SUN3: variants seen among roughly 807,000 people sequenced by gnomAD.
SUN3 encodes the protein SUN domain-containing protein 3.
Under a neutral mutation model 48.2 loss-of-function variants are expected in SUN3, and 36 were observed. That is an observed-to-expected ratio of 0.75 (90% CI 0.57 to 0.99). The LOEUF (loss-of-function observed/expected upper bound fraction) is 0.99, where lower values mean the gene tolerates loss of function less well. SUN3 is among the 50% of genes least tolerant of loss of function. SUN3 has a pLI of 0.00. For missense variants in SUN3, 419 were observed against 433.1 expected (o/e 0.97, Z 0.29); for synonymous variants, 148 against 147.9 (o/e 1.00, Z 0.00).
rs368951687 is a variant in SUN3 at position 48,025,866 on chromosome 7, G to A, written c.184+11C>T. 20 of 1,573,924 alleles carry A rather than the reference G, an allele frequency of 1.3e-5. No individual in the cohort carries two copies. In the African/African-American group the frequency reaches 2.2e-4, roughly 17 times the overall value. On this transcript the variant is annotated intron_variant, in intron 2 of 9. Coordinates refer to ENST00000297325, the MANE Select transcript of SUN3 (RefSeq NM_001030019.2). Reference sequence around the variant, plus strand: ...GAATGGTTTTAAGGATCATTACTTAGGAAGACTTACCTACAAGAAGAAAAG... The same window carrying A: ...GAATGGTTTTAAGGATCATTACTTAAGAAGACTTACCTACAAGAAGAAAAG...
chr7:48,006,571 A>G lies in SUN3; in HGVS notation c.493-518T>C, dbSNP rs142361247. On this transcript the variant is annotated intron_variant, in intron 5 of 9. Coordinates refer to ENST00000297325, the MANE Select transcript of SUN3 (RefSeq NM_001030019.2). ...AAAAAACGAACAAACAAACAAAACCAAAAGCACCCTAAGCAGGCGTAACAG... is the reference window on the plus strand; with the variant it reads ...AAAAAACGAACAAACAAACAAAACCGAAAGCACCCTAAGCAGGCGTAACAG... Among the ~76,000 whole-genome samples the G allele has an allele frequency of 1.7e-3, 256 of 152,312 alleles. 1 individual carries two copies. Among genetic ancestry groups the G allele is most frequent in the Middle Eastern group, 3.4e-3 (1 of 294 alleles).
chr7:48,021,118 G>A (rs543050627), intron 2 of SUN3, among the ~76,000 whole-genome samples: 7 of 151,468 alleles, frequency 4.6e-5, no homozygotes, highest in Admixed American at 3.3e-4. Flanking sequence ...CCCCTACAGA[G>A]AACTCATTTT....
intron 3 of SUN3, among the ~76,000 whole-genome samples, chr7:48,016,786 C>A (rs1381836958): frequency 1.3e-5 from 2 of 152,270 alleles, no homozygotes; most frequent in East Asian, 3.9e-4. Flanking sequence ...AATACCACAG[C>A]CTGGGTAATT....
chr7:48,017,745 T>G (rs1293602025), intron 2 of SUN3, among the ~76,000 whole-genome samples: 1 of 152,224 alleles, frequency 6.6e-6, no homozygotes, highest in Non-Finnish European at 1.5e-5. Context: ...CATTTCACAT[T>G]CCTTTAATAT....
intron 6 of SUN3, among the ~76,000 whole-genome samples, chr7:48,001,790 C>A (rs567925193): frequency 4.3e-4 from 65 of 152,262 alleles, no homozygotes; most frequent in African/African-American, 1.5e-3. Flanking sequence ...CCCGCCTCGG[C>A]CTCCCAAAGT....
intron 8 of SUN3, among the ~76,000 whole-genome samples, chr7:47,989,218 C>A (rs1210507636): frequency 6.6e-6 from 1 of 152,166 alleles, no homozygotes; most frequent in African/African-American, 2.4e-5. Flanking sequence ...ACATATAGAG[C>A]AAATCCCAAC....
intron 1 of SUN3, among the ~76,000 whole-genome samples, chr7:48,028,237 C>T (rs891918512): frequency 6.6e-6 from 1 of 151,912 alleles, no homozygotes; most frequent in Non-Finnish European, 1.5e-5. Context: ...GTTTTCCCAG[C>T]AGGCAGCACA....
upstream of SUN3, among the ~76,000 whole-genome samples, chr7:48,034,032 C>T (rs771860838): frequency 1.4e-4 from 22 of 152,296 alleles, no homozygotes; most frequent in Middle Eastern, 3.4e-3. Context: ...CCAGCCTGGG[C>T]GACAGAGCAA....
chr7:48,022,013 C>A (rs1158749133), intron 2 of SUN3, among the ~76,000 whole-genome samples: 1 of 152,078 alleles, frequency 6.6e-6, no homozygotes, highest in African/African-American at 2.4e-5. Context: ...GATTTGGAAG[C>A]AACCTAAGTG....
intron 2 of SUN3, among the ~76,000 whole-genome samples, chr7:48,021,825 A>ATGTAAATTAG (rs773777917): frequency 1.6e-4 from 25 of 152,140 alleles, no homozygotes; most frequent in Non-Finnish European, 3.4e-4. Context: ...GTTGGTGGGA[A>ATGTAAATTAG]TGTAAATTAG....
intron 6 of SUN3, among the ~76,000 whole-genome samples, chr7:47,997,238 T>C (rs944509171): frequency 7.9e-5 from 12 of 152,238 alleles, no homozygotes; most frequent in African/African-American, 2.9e-4. Context: ...ATTTTTTTAG[T>C]AGTAGTCATG....
At position 48,014,762 on chromosome 7, in the gene SUN3, G is replaced by T. The variant is rs12672511; in HGVS notation, c.288+2500C>A. ...ATGGAACCAAGCCAATGTATATATA[G>T]AGAGAGATTTATTTTGAGGAATTGG... is the stretch of plus-strand genomic sequence containing the variant. On this transcript the variant is annotated intron_variant, in intron 3 of 9. Coordinates refer to ENST00000297325, the MANE Select transcript of SUN3 (RefSeq NM_001030019.2). 0.015 allele frequency among the ~76,000 whole-genome samples: 2,234 copies of T among 152,264 alleles called. 114 individuals are homozygous for T. In the East Asian group the frequency reaches 0.19, roughly 13 times the overall value.
chr7:47,995,944 C>A, intron 7 of SUN3, 87 bp downstream of exon 7: 1 of 780,458 alleles, frequency 1.3e-6, no homozygotes. Context: ...TCTTATATTG[C>A]CTCCATTTTT....
chr7:48,002,700 GT>G (rs1172832304), intron 6 of SUN3, among the ~76,000 whole-genome samples: 3 of 152,172 alleles, frequency 2.0e-5, no homozygotes. Context: ...TCCATTGATA[GT>G]TTCTTTTTCT....
At chr7:48,027,658 C>T (rs1790171799) in intron 1 of SUN3, among the ~76,000 whole-genome samples, 1 of 152,202 alleles carries the variant, frequency 6.6e-6, no homozygotes, top group Non-Finnish European at 1.5e-5. Context: ...AGTGGGCCGC[C>T]TAATTCTCCC....
At chr7:47,997,128 C>G (rs979451022) in intron 6 of SUN3, among the ~76,000 whole-genome samples, 53 of 152,230 alleles carry the variant, frequency 3.5e-4, no homozygotes, top group African/African-American at 1.1e-3. Context: ...TAAGATGACA[C>G]ACTTTTTGAA....
At chr7:48,012,211 C>T (rs1042302195) in intron 3 of SUN3, among the ~76,000 whole-genome samples, 2 of 152,198 alleles carry the variant, frequency 1.3e-5, no homozygotes, top group African/African-American at 4.8e-5. Flanking sequence ...AGGACACAGC[C>T]TCCAGGGATA....
At chr7:47,991,739 G>T (rs1042245331) in intron 8 of SUN3, among the ~76,000 whole-genome samples, 10 of 152,146 alleles carry the variant, frequency 6.6e-5, no homozygotes, top group African/African-American at 2.4e-4. Context: ...GGACTTAAGC[G>T]GCAGGTTCCC....
At chr7:48,029,167 G>A (rs1214359128), upstream of SUN3, 2 of 523,140 alleles carry the variant, frequency 3.8e-6, no homozygotes, top group South Asian at 2.2e-5. Flanking sequence ...ACCACGCCCA[G>A]CCAGGGCATG....
Sources: allele counts gnomAD v4.1 joint callset (sites outside exome capture counted in the v4.1 genomes callset), GRCh38; gene constraint gnomAD v4.1.1; transcripts MANE v1.5; gene names NCBI Gene and HGNC (gene_info 2026-07-23, HGNC 2026-07-21).